The following ERN1 variants were observed in gnomAD, a reference collection of about 807,000 sequenced individuals.
ERN1 encodes endoplasmic reticulum to nucleus signaling 1, also known as serine/threonine-protein kinase/endoribonuclease IRE1.
Under a neutral mutation model 113.1 loss-of-function variants are expected in ERN1, and 39 were observed. That is an observed-to-expected ratio of 0.34 (90% CI 0.27 to 0.45). ERN1 has a LOEUF of 0.45. Ranked by LOEUF, ERN1 falls within the 20% of genes least tolerant of loss-of-function variation. The probability of loss-of-function intolerance (pLI) is 1.00; values close to 1 mark genes in which losing one functional copy is unlikely to be tolerated. For missense variants in ERN1, 976 were observed against 1,274.8 expected (o/e 0.77, Z 3.57); for synonymous variants, 507 against 515.9 (o/e 0.98, Z 0.23).
rs1238909652 is a variant in ERN1 at position 64,049,291 on chromosome 17, C to G, written c.2254-89G>C. 5.9e-6 allele frequency: 8 copies of G among 1,349,542 alleles called. No individual in the cohort carries two copies. The highest frequency in any genetic ancestry group is 8.0e-6 in the Non-Finnish European group (8 of 1,001,726). The allele number at this position is 1,349,542 out of a possible 1,614,324, so 83.6% of individuals were successfully genotyped here. On this transcript the variant is annotated intron_variant, in intron 17 of 21. Transcript: ENST00000433197. The surrounding 1 kb of genome is among the most constrained non-coding windows in gnomAD (Gnocchi z 4.7). ...GGAGGGAGGAGCATTGCTGCTGCTT[C>G]TGCCACCTAGAAGGTGTCCTGGGAG... is the stretch of plus-strand genomic sequence containing the variant.
At chr17:64,120,444 C>T (rs1185613046) in intron 1 of ERN1, among the ~76,000 whole-genome samples, 4 of 152,044 alleles carry the variant, frequency 2.6e-5, no homozygotes, top group Admixed American at 2.6e-4. Context: ...TCCTGCAGCC[C>T]AGACAAACAA....
intron 1 of ERN1, among the ~76,000 whole-genome samples, chr17:64,119,892 C>T (rs1255018311): frequency 6.6e-6 from 1 of 152,036 alleles, no homozygotes; most frequent in African/African-American, 2.4e-5. Flanking sequence ...CCTGGCTGCA[C>T]ATCAGAGTCA....
chr17:64,122,559 C>T (rs1899829149), intron 1 of ERN1, among the ~76,000 whole-genome samples: 1 of 152,146 alleles, frequency 6.6e-6, no homozygotes, highest in African/African-American at 2.4e-5. Flanking sequence ...AAAGAATATA[C>T]TTTTGAATCC....
chr17:64,107,159 A>G (rs1328899105), intron 1 of ERN1, among the ~76,000 whole-genome samples: 1 of 152,190 alleles, frequency 6.6e-6, no homozygotes, highest in Non-Finnish European at 1.5e-5. Flanking sequence ...GTGCCCAGTA[A>G]GTGCAAAGGT....
At chr17:64,087,167 T>C (rs1485067421) in intron 2 of ERN1, among the ~76,000 whole-genome samples, 2 of 152,170 alleles carry the variant, frequency 1.3e-5, no homozygotes, top group South Asian at 2.1e-4. Flanking sequence ...AGCTGGGTGA[T>C]TGAGCCATGT....
intron 1 of ERN1, chr17:64,128,769 C>A (rs1567892316): frequency 6.6e-6 from 1 of 151,658 alleles, no homozygotes; most frequent in Non-Finnish European, 1.5e-5. Context: ...AAAGAGTCTA[C>A]AAATTTTCCT....
At chr17:64,053,165 C>A in intron 16 of ERN1, 107 bp downstream of exon 16, 1 of 991,028 alleles carries the variant, frequency 1.0e-6, no homozygotes, top group Non-Finnish European at 1.5e-6. Flanking sequence ...GTGATATAGC[C>A]AAGAGCTTGA....
chr17:64,121,911 C>T (rs550635000), intron 1 of ERN1, among the ~76,000 whole-genome samples: 49 of 152,308 alleles, frequency 3.2e-4, no homozygotes, highest in Admixed American at 6.5e-4. Flanking sequence ...ATGGCATCTT[C>T]GCACAACTGC....
At chr17:64,110,276 C>T (rs1178716787) in intron 1 of ERN1, among the ~76,000 whole-genome samples, 3 of 152,102 alleles carry the variant, frequency 2.0e-5, no homozygotes, top group Admixed American at 6.6e-5. Flanking sequence ...GATGTTCTGA[C>T]GTATGTATAC....
chr17:64,077,979 C>T (rs906071195), intron 4 of ERN1, among the ~76,000 whole-genome samples: 17 of 152,250 alleles, frequency 1.1e-4, no homozygotes, highest in South Asian at 4.1e-4. Context: ...GTGATCCGCC[C>T]ACCTTGGCCT....
At chr17:64,065,006 G>C (rs1913173763) in intron 9 of ERN1, among the ~76,000 whole-genome samples, 1 of 152,212 alleles carries the variant, frequency 6.6e-6, no homozygotes, top group African/African-American at 2.4e-5. Flanking sequence ...AATAATCAGG[G>C]ATTCCTCGGC....
At position 64,098,250 on chromosome 17, in the gene ERN1, A is replaced by C; in HGVS notation, c.55-9T>G. On this transcript the variant is annotated splice_polypyrimidine_tract_variant and intron_variant, in intron 1 of 21. Coordinates refer to ENST00000433197, the MANE Select transcript of ERN1 (RefSeq NM_001433.5). The stretch of plus-strand genomic sequence containing the variant: ...CTGGTACTTCCAAAAATCTGCAACG[A>C]GATGTAGAAGACTCTTAATGTTGAT... 1 of 1,613,906 alleles carries C rather than the reference A, an allele frequency of 6.2e-7. No individual in the cohort carries two copies. Among genetic ancestry groups the C allele is most frequent in the Non-Finnish European group, 8.5e-7 (1 of 1,179,820 alleles).
Position 64,063,876 on chromosome 17 carries a change from T to C in ERN1, c.1087+110A>G. ...CTCAGGGGCCAGCCGGGAAGGGCTC[T>C]GAGCACAAGGCCTTCCGAGCTCAGT... is the stretch of plus-strand genomic sequence containing the variant. On this transcript the variant is annotated intron_variant, in intron 10 of 21. Transcript: ENST00000433197. This position sits in a 1 kb window ranked among gnomAD's most constrained non-coding sequence, Gnocchi z 5.1. 9.8e-7 allele frequency: 1 copy of C among 1,016,214 alleles called. No homozygotes were observed. Among genetic ancestry groups the C allele is most frequent in the Non-Finnish European group, 1.5e-6 (1 of 688,406 alleles). The allele number at this position is 1,016,214 out of a possible 1,614,324, so 62.9% of individuals were successfully genotyped here.
intron 1 of ERN1, among the ~76,000 whole-genome samples, chr17:64,115,081 C>T (rs1414183718): frequency 6.6e-6 from 1 of 152,060 alleles, no homozygotes; most frequent in African/African-American, 2.4e-5. Flanking sequence ...ATCTTCCAGG[C>T]GCCCCATCTC....
chr17:64,059,574 T>C (rs1465437466), intron 11 of ERN1, among the ~76,000 whole-genome samples: 2 of 152,190 alleles, frequency 1.3e-5, no homozygotes, highest in African/African-American at 2.4e-5. Context: ...GCCAAAGCAA[T>C]GGCTTCCCCA....
Position 64,052,931 on chromosome 17 carries a change from G to A in ERN1, c.2102C>T (p.Ala701Val). The A allele has an allele frequency of 6.2e-7, 1 of 1,613,758 alleles. No homozygotes were observed. Among genetic ancestry groups the A allele is most frequent in the Non-Finnish European group, 8.5e-7 (1 of 1,179,792 alleles). ...GATCATGGCCTTGATCTTGCCGTGT[G>A]CATTGGGCATGGATATGAGGATGTT... ...PHNILISMPN[A>V]HGKIKAMISD... Residue 701 changes from alanine (A) to valine (V), a missense_variant, in exon 17 of 22, where the codon GCA becomes GTA. Physicochemically the swap from Ala to Val is moderately conservative, Grantham distance 64 (BLOSUM62 0). This residue lies in a region of ERN1 where 297 missense variants were observed against 457.8 expected (regional missense o/e 0.65). Transcript: ENST00000433197.
At chr17:64,053,994 C>T in intron 15 of ERN1, 1 of 407,258 alleles carries the variant, frequency 2.5e-6, no homozygotes, top group Non-Finnish European at 4.5e-6. Flanking sequence ...GGCTGGAGTG[C>T]AGTGGCACAA....
chr17:64,086,972 G>A (rs1049111939), intron 2 of ERN1, among the ~76,000 whole-genome samples: 2 of 152,052 alleles, frequency 1.3e-5, no homozygotes, highest in Admixed American at 6.5e-5. Context: ...GGGACTGGCT[G>A]CATCATATTG....
intron 5 of ERN1, 59 bp from the exon 6 acceptor site, chr17:64,072,162 A>C: frequency 6.3e-7 from 1 of 1,589,322 alleles, no homozygotes; most frequent in Admixed American, 1.7e-5. Context: ...TATCGCTGCC[A>C]AACTAGCAGC....
Sources: allele counts gnomAD v4.1 joint callset (sites outside exome capture counted in the v4.1 genomes callset), GRCh38; gene constraint gnomAD v4.1.1; regional missense constraint gnomAD v4.1.1; non-coding constraint Gnocchi (gnomAD v3.1); transcripts MANE v1.5; gene names NCBI Gene and HGNC (gene_info 2026-07-23, HGNC 2026-07-21).